ITGAM: variants seen among roughly 807,000 people sequenced by gnomAD.
ITGAM encodes the protein integrin alpha-M.
In ITGAM, 79 loss-of-function variants were observed where a neutral mutation model predicts 137.5. That is an observed-to-expected ratio of 0.57 (90% CI 0.48 to 0.69). ITGAM has a LOEUF of 0.69. ITGAM is among the 30% of genes least tolerant of loss of function. ITGAM has a pLI of 0.00. For synonymous variants in ITGAM, 583 were observed against 592.3 expected (o/e 0.98, Z 0.23); for missense variants, 1,343 against 1,483.5 (o/e 0.91, Z 1.56).
At position 31,331,630 on chromosome 16, in the gene ITGAM, C is replaced by T; in HGVS notation, c.3388-6C>T. 1 of 1,604,838 alleles carries T rather than the reference C, an allele frequency of 6.2e-7. No homozygotes were observed. Among genetic ancestry groups the T allele is most frequent in the Non-Finnish European group, 8.5e-7 (1 of 1,175,998 alleles). On this transcript the variant is annotated splice_region_variant and splice_polypyrimidine_tract_variant and intron_variant, in intron 29 of 29. Coordinates refer to ENST00000544665, the MANE Select transcript of ITGAM (RefSeq NM_000632.4). ...GTCGCTCTCACTGCCCTCCTCTGCCCCGCAGCTCGGCTTCTTCAAGCGGCA... is the reference window on the plus strand; with the variant it reads ...GTCGCTCTCACTGCCCTCCTCTGCCTCGCAGCTCGGCTTCTTCAAGCGGCA...
At chr16:31,276,899 C>T (rs1362605992) in intron 10 of ITGAM, 21 bp from the exon 11 acceptor site, 3 of 1,606,544 alleles carry the variant, frequency 1.9e-6, no homozygotes, top group African/African-American at 1.3e-5. Context: ...CCTCATCAAC[C>T]CTGTTCTACA....
Position 31,331,965 on chromosome 16 carries a change from A to G in ITGAM, c.*258A>G. 1.9e-6 allele frequency: 1 copy of G among 530,664 alleles called. No homozygotes were observed. Among genetic ancestry groups the G allele is most frequent in the East Asian group, 3.3e-5 (1 of 30,250 alleles). The allele number at this position is 530,664 out of a possible 1,614,324, so 32.9% of individuals were successfully genotyped here. ...TGTGTGCAAGTATGTGAGTGTGTCC[A>G]AGTGTGTGTGCGTGTGTCCATGTGT... is the stretch of plus-strand genomic sequence containing the variant. On this transcript the variant is annotated 3_prime_UTR_variant, in exon 30 of 30. Transcript: ENST00000544665.
rs752427704 is a variant in ITGAM at position 31,324,314 on chromosome 16, G to A, written c.2003-85G>A. On this transcript the variant is annotated intron_variant, in intron 16 of 29. Transcript: ENST00000544665. This position sits in a 1 kb window ranked among gnomAD's most constrained non-coding sequence, Gnocchi z 4.5. ...AACATACCCCAAGTCACACAGCTGA[G>A]AAGCAGAGGAGCTGGGCCTTGAACT... 37 of 1,145,188 alleles carry A rather than the reference G, an allele frequency of 3.2e-5. 1 individual carries two copies. The highest frequency in any genetic ancestry group is 8.3e-5 in the Admixed American group (4 of 48,050). 70.9% of individuals were successfully genotyped at this position (1,145,188 alleles called of 1,614,324 possible). A position where few individuals can be genotyped will look rare whatever the true frequency, so the allele number is the denominator to read the frequency against.
intron 8 of ITGAM, among the ~76,000 whole-genome samples, chr16:31,274,610 A>ATTTATTTATTTATT (rs58443776): frequency 0.017 from 2,517 of 149,004 alleles, 73 homozygotes; most frequent in African/African-American, 0.06. Flanking sequence ...TTATTTATTT[A>ATTTATTTATTTATT]TATTTATTTA....
In ITGAM at chr16:31,324,707, G is replaced by T; in HGVS notation, c.2214G>T (p.Val738=). 1 of 1,601,374 alleles carries T rather than the reference G, an allele frequency of 6.2e-7. No homozygotes were observed. The part of the protein sequence containing the change: ...PIVLRLNFSL[V]GTPLSAFGNL... ...TGCTGCGCCTGAACTTCTCTCTGGT[G>T]GGAACGCCATTGTCTGCTTTCGGGA... Residue 738 remains valine, a synonymous_variant, in exon 18 of 30, where the codon GTG becomes GTT. Transcript: ENST00000544665. This position sits in a 1 kb window ranked among gnomAD's most constrained non-coding sequence, Gnocchi z 4.5.
At chr16:31,315,272 A>G (rs1199794124) in intron 14 of ITGAM, among the ~76,000 whole-genome samples, 1 of 152,082 alleles carries the variant, frequency 6.6e-6, no homozygotes, top group East Asian at 1.9e-4. Context: ...ATTGTGCAGA[A>G]GCTTTTTAGT....
At chr16:31,300,467 C>G (rs1231629075) in intron 14 of ITGAM, among the ~76,000 whole-genome samples, 2 of 152,150 alleles carry the variant, frequency 1.3e-5, no homozygotes, top group Non-Finnish European at 2.9e-5. Context: ...TGGCAATAGC[C>G]AGGCTAGCAG....
chr16:31,270,699 GTATATATATATATATATATATATATATA>G lies in ITGAM; in HGVS notation c.428-237_428-210del, dbSNP rs869206231. On this transcript the variant is annotated intron_variant, in intron 5 of 29. Coordinates refer to ENST00000544665, the MANE Select transcript of ITGAM (RefSeq NM_000632.4). ...TGACTAATTTTTAACGTGTGTGTGTGTATATATATATATATATATATATATATATATATATATATATATATGTTTTTAA... is the reference window on the plus strand; with the variant it reads ...TGACTAATTTTTAACGTGTGTGTGTGTATATATATATATATATGTTTTTAA... Among the ~76,000 whole-genome samples, 61 of 26,008 alleles carry G rather than the reference GTATATATATATATATATATATATATATA, an allele frequency of 2.3e-3. 1 individual carries two copies. Among genetic ancestry groups the G allele is most frequent in the East Asian group, 6.4e-3 (4 of 628 alleles). 17.1% of individuals were successfully genotyped at this position (26,008 alleles called of 152,430 possible). A position where few individuals can be genotyped will look rare whatever the true frequency, so the allele number is the denominator to read the frequency against.
intron 12 of ITGAM, among the ~76,000 whole-genome samples, chr16:31,290,836 G>A (rs1330216712): frequency 6.6e-6 from 1 of 151,978 alleles, no homozygotes; most frequent in Non-Finnish European, 1.5e-5. Context: ...AAATTCCAAA[G>A]AACCTATAAA....
intron 2 of ITGAM, 144 bp downstream of exon 2, chr16:31,261,941 T>C: frequency 1.7e-6 from 1 of 602,678 alleles, no homozygotes; most frequent in African/African-American, 1.9e-5. Context: ...GAATTTACAG[T>C]ATTCTAAATT....
chr16:31,286,566 T>C (rs903776515), intron 12 of ITGAM, among the ~76,000 whole-genome samples: 2 of 152,218 alleles, frequency 1.3e-5, no homozygotes, highest in Admixed American at 1.3e-4. Context: ...TATCTCATTG[T>C]GGTTTATGAT....
chr16:31,297,426 G>A (rs2080145220), intron 12 of ITGAM, 88 bp from the exon 13 acceptor site: 1 of 1,542,434 alleles, frequency 6.5e-7, no homozygotes, highest in East Asian at 2.2e-5. Flanking sequence ...GATTCCCCCA[G>A]CAGGCATAAC....
rs768519477 is a variant in ITGAM at position 31,331,685 on chromosome 16, C to T, written c.3437C>T (p.Pro1146Leu). The change falls in exon 30 of 30, where the codon CCC becomes CTC. Residue 1146 changes from proline to leucine, a missense_variant. Physicochemically the swap from Pro to Leu is moderately conservative, Grantham distance 98 (BLOSUM62 -3). Coordinates refer to ENST00000544665, the MANE Select transcript of ITGAM (RefSeq NM_000632.4). Reference protein sequence around the residue: ...QYKDMMSEGGPPGAEPQ With the variant: ...QYKDMMSEGGLPGAEPQ ...AAGGACATGATGAGTGAAGGGGGTC[C>T]CCCGGGGGCCGAACCCCAGTAGCGG... 6 of 1,608,248 alleles carry T rather than the reference C, an allele frequency of 3.7e-6. No homozygotes were observed. Among genetic ancestry groups the T allele is most frequent in the Non-Finnish European group, 4.2e-6 (5 of 1,177,600 alleles).
At position 31,325,272 on chromosome 16, in the gene ITGAM, C is replaced by T; in HGVS notation, c.2373C>T (p.Cys791=). Residue 791 remains cysteine (C), a synonymous_variant, in exon 20 of 30, where the codon TGC becomes TGT. Coordinates refer to ENST00000544665, the MANE Select transcript of ITGAM (RefSeq NM_000632.4). ...SITFSFMSLD[C]LVVGGPREFN... Reference sequence around the variant, plus strand: ...CTTCTTCTTCCCACAGCCTGGACTGCCTCGTGGTGGGTGGGCCCCGGGAGT... The same window carrying T: ...CTTCTTCTTCCCACAGCCTGGACTGTCTCGTGGTGGGTGGGCCCCGGGAGT... 6.2e-7 allele frequency: 1 copy of T among 1,611,828 alleles called. No homozygotes were observed. Among genetic ancestry groups the T allele is most frequent in the South Asian group, 1.1e-5 (1 of 90,766 alleles).
chr16:31,306,461 C>A (rs2080265795), intron 14 of ITGAM, among the ~76,000 whole-genome samples: 1 of 151,486 alleles, frequency 6.6e-6, no homozygotes, highest in South Asian at 2.1e-4. Context: ...ATATAACACT[C>A]AAACCTTCAC....
intron 4 of ITGAM, 72 bp downstream of exon 4, chr16:31,265,953 T>C (rs976530278): frequency 5.0e-6 from 8 of 1,591,022 alleles, no homozygotes; most frequent in Middle Eastern, 1.7e-4. Context: ...GGGCTGGGGG[T>C]CTTGTGGAGG....
At chr16:31,299,865 CCTT>C (rs2080180483) in intron 14 of ITGAM, among the ~76,000 whole-genome samples, 2 of 143,054 alleles carry the variant, frequency 1.4e-5, no homozygotes, top group Non-Finnish European at 1.5e-5. Context: ...TCCTCCTCCT[CCTT>C]CTTCTTTTTT....
intron 12 of ITGAM, among the ~76,000 whole-genome samples, chr16:31,292,874 C>A (rs1018146307): frequency 6.6e-6 from 1 of 152,106 alleles, no homozygotes; most frequent in African/African-American, 2.4e-5. Flanking sequence ...TAATTTACCA[C>A]TCCCACCAAC....
At chr16:31,281,692 T>G (rs1217510684) in intron 12 of ITGAM, among the ~76,000 whole-genome samples, 1 of 152,222 alleles carries the variant, frequency 6.6e-6, no homozygotes, top group Non-Finnish European at 1.5e-5. Context: ...ATTGATTTTT[T>G]GAAGGGTTTT....
Sources: allele counts gnomAD v4.1 joint callset (sites outside exome capture counted in the v4.1 genomes callset), GRCh38; gene constraint gnomAD v4.1.1; non-coding constraint Gnocchi (gnomAD v3.1); transcripts MANE v1.5; gene names NCBI Gene and HGNC (gene_info 2026-07-23, HGNC 2026-07-21).